Variants in PDLIM1 observed in about 807,000 individuals in gnomAD.
PDLIM1 encodes PDZ and LIM domain protein 1.
Under a neutral mutation model 35.2 loss-of-function variants are expected in PDLIM1, and 25 were observed. The observed-to-expected ratio is 0.71, with a 90% CI of 0.52 to 0.99. PDLIM1 has a LOEUF of 0.99. PDLIM1 is among the 50% of genes least tolerant of loss of function. The pLI, the probability that PDLIM1 is intolerant of heterozygous loss-of-function variation, is 0.00. For missense variants in PDLIM1, 363 were observed against 415.3 expected (o/e 0.87, Z 1.09); for synonymous variants, 152 against 154.0 (o/e 0.99, Z 0.10).
chr10:95,247,355 G>T lies in PDLIM1; in HGVS notation c.545C>A (p.Ala182Asp), dbSNP rs372954782. ...VEANSRPLDHAQPPSSLVIDK... is the reference protein window; with the variant it reads ...VEANSRPLDHDQPPSSLVIDK... ...GATGACAAGGCTGCTTGGAGGCTGA[G>T]CATGGTCTAAGCTGTAAAGAATGTT... The change falls in exon 5 of 7, where the codon GCT becomes GAT. Residue 182 changes from alanine to aspartate, a missense_variant. Coordinates refer to ENST00000329399, the MANE Select transcript of PDLIM1 (RefSeq NM_020992.4). 2 of 1,613,758 alleles carry T rather than the reference G, an allele frequency of 1.2e-6. No individual in the cohort carries two copies. The highest frequency in any genetic ancestry group is 1.7e-6 in the Non-Finnish European group (2 of 1,179,786).
intron 3 of PDLIM1, 51 bp from the exon 4 acceptor site, chr10:95,264,114 C>G: frequency 6.7e-7 from 1 of 1,491,414 alleles, no homozygotes; most frequent in African/African-American, 1.4e-5. Flanking sequence ...AATGCAAACC[C>G]CTTGATGGGC....
At chr10:95,278,139 T>C (rs550320184) in intron 1 of PDLIM1, among the ~76,000 whole-genome samples, 2 of 152,316 alleles carry the variant, frequency 1.3e-5, no homozygotes, top group African/African-American at 2.4e-5. Context: ...TGAAAGACAG[T>C]GTAACTTGTT....
chr10:95,279,403 T>G (rs1470648027), intron 1 of PDLIM1, among the ~76,000 whole-genome samples: 1 of 152,240 alleles, frequency 6.6e-6, no homozygotes, highest in Non-Finnish European at 1.5e-5. Flanking sequence ...CATATAATTA[T>G]ACTTTATACC....
At chr10:95,274,266 A>C (rs571517444) in intron 1 of PDLIM1, among the ~76,000 whole-genome samples, 1 of 149,764 alleles carries the variant, frequency 6.7e-6, no homozygotes, top group South Asian at 2.1e-4. Flanking sequence ...CTTCACCTCC[A>C]ATCTAAGCTA....
At chr10:95,288,541 C>T (rs1236763638) in intron 1 of PDLIM1, among the ~76,000 whole-genome samples, 2 of 126,562 alleles carry the variant, frequency 1.6e-5, no homozygotes, top group Non-Finnish European at 3.3e-5. Context: ...CTGGTGCTAT[C>T]CCCACTGCAG....
At chr10:95,248,861 G>GTGT (rs2035244578) in intron 4 of PDLIM1, among the ~76,000 whole-genome samples, 1 of 152,152 alleles carries the variant, frequency 6.6e-6, no homozygotes, top group Non-Finnish European at 1.5e-5. Context: ...CCCTTCCCAG[G>GTGT]TGTTGTCATG....
intron 4 of PDLIM1, among the ~76,000 whole-genome samples, chr10:95,258,613 A>G (rs925783767): frequency 1.3e-5 from 2 of 152,226 alleles, no homozygotes; most frequent in African/African-American, 2.4e-5. Flanking sequence ...TATATGAGAT[A>G]TCTAAAGTAA....
chr10:95,238,183 C>G, intron 6 of PDLIM1, 72 bp from the exon 7 acceptor site: 2 of 1,385,722 alleles, frequency 1.4e-6, no homozygotes, highest in Non-Finnish European at 2.0e-6. Context: ...GCAGGTGGCA[C>G]CATCCTTCCT....
At chr10:95,270,830 A>G (rs939246557) in intron 2 of PDLIM1, among the ~76,000 whole-genome samples, 24 of 151,922 alleles carry the variant, frequency 1.6e-4, no homozygotes, top group African/African-American at 4.4e-4. Flanking sequence ...AGCTCACTGC[A>G]AACTCTGCCT....
chr10:95,278,166 C>A (rs1342604182), intron 1 of PDLIM1, among the ~76,000 whole-genome samples: 1 of 152,212 alleles, frequency 6.6e-6, no homozygotes, highest in Non-Finnish European at 1.5e-5. Context: ...GATGTGGTTT[C>A]TGGAGTCAGA....
At chr10:95,247,074 TC>T in intron 5 of PDLIM1, 140 bp downstream of exon 5, 1 of 723,098 alleles carries the variant, frequency 1.4e-6, no homozygotes, top group Non-Finnish European at 2.3e-6. Context: ...TCCCTCTATC[TC>T]TTTTTAAAGA....
chr10:95,263,854 G>A lies in PDLIM1; in HGVS notation c.533+10C>T. On this transcript the variant is annotated intron_variant, in intron 4 of 6. Coordinates refer to ENST00000329399, the MANE Select transcript of PDLIM1 (RefSeq NM_020992.4). Reference sequence around the variant, plus strand: ...GGAGCGGCTCAGAGGAGGACTCCTGGGCTACTTACGGTCTGCTGTTCGCCT... The same window carrying A: ...GGAGCGGCTCAGAGGAGGACTCCTGAGCTACTTACGGTCTGCTGTTCGCCT... 1 of 1,601,870 alleles carries A rather than the reference G, an allele frequency of 6.2e-7. No individual in the cohort carries two copies. The highest frequency in any genetic ancestry group is 8.5e-7 in the Non-Finnish European group (1 of 1,172,914).
At chr10:95,286,255 G>T (rs2133444163) in intron 1 of PDLIM1, among the ~76,000 whole-genome samples, 1 of 152,226 alleles carries the variant, frequency 6.6e-6, no homozygotes, top group Admixed American at 6.5e-5. Flanking sequence ...TACTCAGGAG[G>T]CTGAGGCACA....
chr10:95,256,309 A>C (rs2035310033), intron 4 of PDLIM1, among the ~76,000 whole-genome samples: 1 of 152,168 alleles, frequency 6.6e-6, no homozygotes, highest in African/African-American at 2.4e-5. Context: ...CACTATCAAA[A>C]CCCTAATGGC....
At chr10:95,280,934 C>CA (rs1281195544) in intron 1 of PDLIM1, among the ~76,000 whole-genome samples, 1 of 152,104 alleles carries the variant, frequency 6.6e-6, no homozygotes, top group Non-Finnish European at 1.5e-5. Context: ...GGCAGGGATT[C>CA]AAAATATAGA....
At chr10:95,283,994 T>C (rs1209973165) in intron 1 of PDLIM1, among the ~76,000 whole-genome samples, 1 of 152,084 alleles carries the variant, frequency 6.6e-6, no homozygotes, top group African/African-American at 2.4e-5. Context: ...TGTGTGTGTG[T>C]GTGTGTGTGT....
At chr10:95,250,034 A>T (rs1023661320) in intron 4 of PDLIM1, among the ~76,000 whole-genome samples, 16 of 152,104 alleles carry the variant, frequency 1.1e-4, no homozygotes, top group African/African-American at 3.9e-4. Flanking sequence ...AGTTGTTTTA[A>T]CCAAGGGTCT....
In PDLIM1 at chr10:95,247,297, C is replaced by A; in HGVS notation, c.603G>T (p.Gln201His). The part of the protein sequence containing the change: ...DKESEVYKML[Q>H]EKQELNEPPK... ...GGGGCTCATTCAACTCCTGTTTCTCCTGAAGCATCTTGTAAACTTCAGATT... is the reference window on the plus strand; with the variant it reads ...GGGGCTCATTCAACTCCTGTTTCTCATGAAGCATCTTGTAAACTTCAGATT... The change falls in exon 5 of 7, where the codon CAG (glutamine) becomes CAT (histidine). Residue 201 changes from glutamine to histidine, a missense_variant. Transcript: ENST00000329399. 3 of 1,614,042 alleles carry A rather than the reference C, an allele frequency of 1.9e-6. No homozygotes were observed. The highest frequency in any genetic ancestry group is 2.5e-6 in the Non-Finnish European group (3 of 1,179,890).
At chr10:95,256,699 C>T (rs543986010) in intron 4 of PDLIM1, among the ~76,000 whole-genome samples, 2 of 152,210 alleles carry the variant, frequency 1.3e-5, no homozygotes, top group Non-Finnish European at 2.9e-5. Flanking sequence ...TGGCTGGAGA[C>T]AGTGGCTCAT....
Sources: allele counts gnomAD v4.1 joint callset (sites outside exome capture counted in the v4.1 genomes callset), GRCh38; gene constraint gnomAD v4.1.1; transcripts MANE v1.5; gene names NCBI Gene and HGNC (gene_info 2026-07-23, HGNC 2026-07-21).